The following PRKG1 variants were observed in gnomAD, a reference collection of about 807,000 sequenced individuals.
PRKG1 encodes the protein protein kinase cGMP-dependent 1, also known as cGMP-dependent protein kinase 1.
Under a neutral mutation model 88.1 loss-of-function variants are expected in PRKG1, and 35 were observed. The ratio of observed to expected loss-of-function variants is 0.40; its 90% CI spans 0.30 to 0.53. The LOEUF (loss-of-function observed/expected upper bound fraction) is 0.53, where lower values mean the gene tolerates loss of function less well. PRKG1 is among the 20% of genes least tolerant of loss of function. PRKG1 has a pLI of 0.59. For missense variants in PRKG1, 540 were observed against 839.8 expected (o/e 0.64, Z 4.41); for synonymous variants, 303 against 292.5 (o/e 1.04, Z -0.37).
chr10:51,759,482 G>T (rs1837962919), intron 3 of PRKG1, among the ~76,000 whole-genome samples: 1 of 152,060 alleles, frequency 6.6e-6, no homozygotes, highest in South Asian at 2.1e-4. Context: ...GGCCAGGTTG[G>T]TCTCAAACTC....
chr10:52,127,625 G>A lies in PRKG1; in HGVS notation c.936-6215G>A, dbSNP rs115276126. Among the ~76,000 whole-genome samples, 397 of 152,210 alleles carry A rather than the reference G, an allele frequency of 2.6e-3. 5 individuals carry two copies. The highest frequency in any genetic ancestry group is 9.0e-3 in the African/African-American group (372 of 41,546). On this transcript the variant is annotated intron_variant, in intron 7 of 17. Coordinates refer to ENST00000373980, the MANE Select transcript of PRKG1 (RefSeq NM_006258.4). ...AGGGAAGGGGACTACTAGAGACAAA[G>A]TATATAAAAAGGGGTCACATGCTTC...
chr10:50,994,785 C>T (rs1385459219), intron 1 of PRKG1, among the ~76,000 whole-genome samples: 2 of 141,242 alleles, frequency 1.4e-5, no homozygotes, highest in Non-Finnish European at 3.0e-5. Flanking sequence ...TCTATGGATT[C>T]AACCAACTGA....
At chr10:52,235,507 G>T (rs1350412056) in intron 9 of PRKG1, among the ~76,000 whole-genome samples, 2 of 150,226 alleles carry the variant, frequency 1.3e-5, no homozygotes, top group Non-Finnish European at 3.0e-5. Flanking sequence ...AAAGGCAGGG[G>T]TTGCAATCCT....
At chr10:51,954,421 A>T (rs1393716960) in intron 5 of PRKG1, among the ~76,000 whole-genome samples, 1 of 152,186 alleles carries the variant, frequency 6.6e-6, no homozygotes, top group East Asian at 1.9e-4. Flanking sequence ...TACTAAAATT[A>T]AAAAAAGAAA....
chr10:51,579,590 T>C (rs2132183402), intron 3 of PRKG1, among the ~76,000 whole-genome samples: 1 of 152,288 alleles, frequency 6.6e-6, no homozygotes, highest in East Asian at 1.9e-4. Context: ...TTATTTGGAA[T>C]ACAAAGTCAC....
chr10:51,875,747 A>G (rs1841281432), intron 4 of PRKG1, among the ~76,000 whole-genome samples: 2 of 152,336 alleles, frequency 1.3e-5, no homozygotes, highest in Non-Finnish European at 2.9e-5. Context: ...TAACCCAACC[A>G]TATGTGCAAG....
intron 5 of PRKG1, among the ~76,000 whole-genome samples, chr10:52,024,327 T>TTA (rs1554793244): frequency 1.0e-4 from 15 of 149,236 alleles, no homozygotes; most frequent in East Asian, 7.8e-4. Flanking sequence ...CTTTTTTTTT[T>TTA]ATTCTTTTTT....
intron 2 of PRKG1, among the ~76,000 whole-genome samples, chr10:51,183,766 A>G (rs113652700): frequency 2.2e-4 from 34 of 152,056 alleles, no homozygotes; most frequent in African/African-American, 7.5e-4. Context: ...ACATATTCTT[A>G]CTCTTAAAAC....
chr10:51,890,601 T>G (rs765522834), intron 4 of PRKG1, among the ~76,000 whole-genome samples: 1 of 152,198 alleles, frequency 6.6e-6, no homozygotes, highest in African/African-American at 2.4e-5. Flanking sequence ...TTGTAGAAGG[T>G]AAACAATTAG....
intron 3 of PRKG1, among the ~76,000 whole-genome samples, chr10:51,473,122 G>C (rs1840094032): frequency 6.6e-6 from 1 of 151,822 alleles, no homozygotes; most frequent in African/African-American, 2.4e-5. Context: ...ATTCTTCTTA[G>C]TAAAATTTTC....
chr10:51,811,437 A>G (rs12245812), intron 4 of PRKG1, among the ~76,000 whole-genome samples: 21,146 of 151,994 alleles, frequency 0.14, 1,967 homozygotes, highest in African/African-American at 0.27. Context: ...TGATATTTTA[A>G]TTGTATTTTA....
Position 51,677,376 on chromosome 10 carries a change from T to C in PRKG1, c.593-127209T>C, listed in dbSNP as rs528126812. ...TTTGTTATACCTCTTAATGCATTTT[T>C]ATTTTTTGCATTTTAAAGTGGAAGT... On this transcript the variant is annotated intron_variant, in intron 3 of 17. Coordinates refer to ENST00000373980, the MANE Select transcript of PRKG1 (RefSeq NM_006258.4). Among the ~76,000 whole-genome samples the C allele has an allele frequency of 2.0e-5, 3 of 152,312 alleles. No individual in the cohort carries two copies. The East Asian group carries it at 5.8e-4, about 29-fold the overall frequency.
intron 2 of PRKG1, among the ~76,000 whole-genome samples, chr10:51,231,785 T>C (rs534602337): frequency 1.6e-4 from 24 of 152,156 alleles, no homozygotes; most frequent in South Asian, 8.3e-4. Context: ...ATCTGGTAGC[T>C]GTTAGTGGCT....
intron 2 of PRKG1, among the ~76,000 whole-genome samples, chr10:51,383,761 T>G (rs1377457487): frequency 6.6e-6 from 1 of 152,180 alleles, no homozygotes; most frequent in African/African-American, 2.4e-5. Context: ...CACATGTTAT[T>G]CAGCTTGCCT....
intron 9 of PRKG1, among the ~76,000 whole-genome samples, chr10:52,208,315 C>G (rs1589700906): frequency 6.6e-6 from 1 of 152,182 alleles, no homozygotes; most frequent in East Asian, 1.9e-4. Context: ...CTGTTGGTAG[C>G]TTAACCATGG....
chr10:51,480,236 A>G (rs1366267727), intron 3 of PRKG1, among the ~76,000 whole-genome samples: 5 of 152,144 alleles, frequency 3.3e-5, no homozygotes, highest in African/African-American at 7.2e-5. Flanking sequence ...TACCCAGGAA[A>G]GTTTTCAAAT....
chr10:51,673,744 T>G (rs186461371), intron 3 of PRKG1, among the ~76,000 whole-genome samples: 1 of 152,334 alleles, frequency 6.6e-6, no homozygotes, highest in African/African-American at 2.4e-5. Flanking sequence ...ATTTATTCAA[T>G]TTATATCACT....
intron 3 of PRKG1, among the ~76,000 whole-genome samples, chr10:51,779,675 A>T (rs1030039955): frequency 6.6e-6 from 1 of 152,092 alleles, no homozygotes; most frequent in Non-Finnish European, 1.5e-5. Context: ...CACCTAGCCC[A>T]TTTAGCTCTG....
chr10:51,534,343 G>T (rs1471432521), intron 3 of PRKG1, among the ~76,000 whole-genome samples: 1 of 152,014 alleles, frequency 6.6e-6, no homozygotes, highest in Admixed American at 6.6e-5. Context: ...ATGAGAAATT[G>T]CCAATATTCA....
Sources: gnomAD v4.1 joint callset for allele counts (sites outside exome capture counted in the v4.1 genomes callset) on GRCh38, gnomAD v4.1.1 for gene constraint, MANE v1.5 for transcripts, NCBI Gene and HGNC (gene_info 2026-07-23, HGNC 2026-07-21) for gene names.